The following OCIAD2 variants were observed in gnomAD, a reference collection of about 807,000 sequenced individuals.
OCIAD2 encodes OCIA domain containing 2.
A neutral mutation model predicts 22.9 loss-of-function variants in OCIAD2; 29 were observed. The observed-to-expected ratio is 1.27, with a 90% CI of 0.94 to 1.73. The LOEUF (loss-of-function observed/expected upper bound fraction) is 1.73, where lower values mean the gene tolerates loss of function less well. Ranked by LOEUF, OCIAD2 falls within the 40% of genes most tolerant of loss-of-function variation. The probability of loss-of-function intolerance (pLI) is 0.00; values close to 1 mark genes in which losing one functional copy is unlikely to be tolerated. For missense variants in OCIAD2, 189 were observed against 180.3 expected (o/e 1.05, Z -0.28); for synonymous variants, 67 against 60.2 (o/e 1.11, Z -0.52).
At chr4:48,890,839 G>A (rs1398217825) in intron 6 of OCIAD2, among the ~76,000 whole-genome samples, 3 of 152,174 alleles carry the variant, frequency 2.0e-5, no homozygotes, top group East Asian at 3.8e-4. Flanking sequence ...TACTTCGAAG[G>A]TAGCAAGGCC....
chr4:48,904,344 A>T, intron 2 of OCIAD2, 140 bp downstream of exon 2: 1 of 774,908 alleles, frequency 1.3e-6, no homozygotes, highest in South Asian at 1.6e-5. Context: ...CAGTTAAGTG[A>T]GAAGCTCAAG....
intron 4 of OCIAD2, among the ~76,000 whole-genome samples, chr4:48,895,632 T>C (rs1781286276): frequency 6.6e-6 from 1 of 152,226 alleles, no homozygotes; most frequent in Non-Finnish European, 1.5e-5. Context: ...CTCTTGATAC[T>C]GTTACAATGG....
At chr4:48,890,851 G>A (rs557035637) in intron 6 of OCIAD2, among the ~76,000 whole-genome samples, 181 of 152,310 alleles carry the variant, frequency 1.2e-3, no homozygotes, top group Admixed American at 2.4e-3. Context: ...AGCAAGGCCA[G>A]CAACTGCTAT....
At chr4:48,906,535 T>G (rs1185590040) in intron 1 of OCIAD2, 123 bp downstream of exon 1, 1 of 152,940 alleles carries the variant, frequency 6.5e-6, no homozygotes, top group African/African-American at 2.4e-5. Flanking sequence ...GGGGTCCGAG[T>G]TAGGGGAGAG....
rs116712022 is a variant in OCIAD2, at chr4:48,891,872, T to A, written c.383+900A>T. Among the ~76,000 whole-genome samples, 500 of 152,340 alleles carry A rather than the reference T, an allele frequency of 3.3e-3. 1 individual carries two copies. The highest frequency in any genetic ancestry group is 5.8e-3 in the Non-Finnish European group (392 of 68,022). ...GATGATCTGAGGTGACAGACCATTTTCCACCCACTGCTAATGGTGTCACCT... is the reference window on the plus strand; with the variant it reads ...GATGATCTGAGGTGACAGACCATTTACCACCCACTGCTAATGGTGTCACCT... On this transcript the variant is annotated intron_variant, in intron 6 of 6. Transcript: ENST00000508632.
chr4:48,885,288 C>A lies in OCIAD2; in HGVS notation c.*196G>T, dbSNP rs1371066737. ...ACAGGCATGAGCCACTGCGCCATGC[C>A]CCGACATGTTCTTAAAGAGCAGAAA... On this transcript the variant is annotated 3_prime_UTR_variant, in exon 7 of 7. Transcript: ENST00000508632. 2 of 550,106 alleles carry A rather than the reference C, an allele frequency of 3.6e-6. No homozygotes were observed. Among genetic ancestry groups the A allele is most frequent in the Non-Finnish European group, 6.4e-6 (2 of 310,904 alleles). The allele number at this position is 550,106 out of a possible 1,614,324, so 34.1% of individuals were successfully genotyped here. A position where few individuals can be genotyped will look rare whatever the true frequency, so the allele number is the denominator to read the frequency against.
intron 6 of OCIAD2, among the ~76,000 whole-genome samples, chr4:48,889,517 A>G (rs1289022746): frequency 6.6e-6 from 1 of 152,256 alleles, no homozygotes; most frequent in Non-Finnish European, 1.5e-5. Flanking sequence ...GCTCACCATC[A>G]CTGGTCATCA....
intron 1 of OCIAD2, 48 bp downstream of exon 1, chr4:48,906,610 C>T (rs889110733): frequency 1.3e-5 from 2 of 152,994 alleles, no homozygotes; most frequent in African/African-American, 4.8e-5. Context: ...CGCGTTCCCC[C>T]GAGGCCACCC....
At chr4:48,890,323 A>T (rs753572450) in intron 6 of OCIAD2, among the ~76,000 whole-genome samples, 1 of 152,086 alleles carries the variant, frequency 6.6e-6, no homozygotes, top group Non-Finnish European at 1.5e-5. Context: ...TCAAAGAGCC[A>T]ATAATGAGCT....
At chr4:48,888,795 CTCT>C (rs1781072455) in intron 6 of OCIAD2, among the ~76,000 whole-genome samples, 1 of 151,994 alleles carries the variant, frequency 6.6e-6, no homozygotes, top group African/African-American at 2.4e-5. Flanking sequence ...GTCTAAAATT[CTCT>C]TTTTTTTGTT....
At chr4:48,890,655 G>C (rs958113233) in intron 6 of OCIAD2, among the ~76,000 whole-genome samples, 1 of 152,162 alleles carries the variant, frequency 6.6e-6, no homozygotes, top group Non-Finnish European at 1.5e-5. Flanking sequence ...ATTTGAATAT[G>C]AAATAGATGT....
At chr4:48,902,014 G>A (rs757071002) in intron 2 of OCIAD2, among the ~76,000 whole-genome samples, 10 of 152,066 alleles carry the variant, frequency 6.6e-5, no homozygotes, top group South Asian at 2.1e-4. Context: ...TGTTTGTCCC[G>A]CTTTGGCTTC....
rs139207421 is a variant in OCIAD2 at position 48,889,867 on chromosome 4, C to A, written c.383+2905G>T. Among the ~76,000 whole-genome samples the A allele has an allele frequency of 2.6e-5, 4 of 152,068 alleles. No homozygotes were observed. In the East Asian group the frequency reaches 5.8e-4, roughly 22 times the overall value. Reference sequence around the variant, plus strand: ...ACTTGGAACCAACCCAAATGTCCAACAATGATAGACTGGATTAAGAAAATG... The same window carrying A: ...ACTTGGAACCAACCCAAATGTCCAAAAATGATAGACTGGATTAAGAAAATG... On this transcript the variant is annotated intron_variant, in intron 6 of 6. Transcript: ENST00000508632.
chr4:48,895,398 A>G (rs1203108530), intron 4 of OCIAD2, among the ~76,000 whole-genome samples: 1 of 152,228 alleles, frequency 6.6e-6, no homozygotes, highest in Non-Finnish European at 1.5e-5. Flanking sequence ...GATAATTTAT[A>G]AAGAACAGAA....
At chr4:48,899,119 A>C (rs930833824) in intron 3 of OCIAD2, among the ~76,000 whole-genome samples, 3 of 152,224 alleles carry the variant, frequency 2.0e-5, no homozygotes, top group Non-Finnish European at 4.4e-5. Flanking sequence ...TGAATGACTT[A>C]AGAAATCAAA....
At chr4:48,889,437 G>T (rs186849183) in intron 6 of OCIAD2, among the ~76,000 whole-genome samples, 1 of 152,162 alleles carries the variant, frequency 6.6e-6, no homozygotes, top group African/African-American at 2.4e-5. Flanking sequence ...CCATCAAAAA[G>T]TGGGCAAAGG....
intron 5 of OCIAD2, 42 bp downstream of exon 5, chr4:48,893,964 G>T (rs767593796): frequency 7.4e-7 from 1 of 1,350,678 alleles, no homozygotes; most frequent in African/African-American, 1.5e-5. Flanking sequence ...TTACAGATGT[G>T]AGCCACCACA....
chr4:48,904,484 C>T lies in OCIAD2; in HGVS notation c.66G>A (p.Gln22=), dbSNP rs1338003329. 1.9e-6 allele frequency: 3 copies of T among 1,613,400 alleles called. No homozygotes were observed. The highest frequency in any genetic ancestry group is 2.5e-6 in the Non-Finnish European group (3 of 1,179,352). ...TCGATCAATAAATATAAAAGTATAC[C>T]TGCTTGCTTGGTGGTGGAAAATGGG... ...KDAHFPPPSK[Q]SLLFCPKSKL... The change falls in exon 2 of 7, where the codon CAG becomes CAA. Residue 22 remains glutamine, a splice_region_variant and synonymous_variant. Transcript: ENST00000508632.
intron 1 of OCIAD2, among the ~76,000 whole-genome samples, chr4:48,906,022 C>G (rs1238478529): frequency 6.6e-6 from 1 of 152,172 alleles, no homozygotes; most frequent in East Asian, 1.9e-4. Context: ...CTTCCATTTC[C>G]TGAGCACTCC....
Sources: gnomAD v4.1 joint callset for allele counts (sites outside exome capture counted in the v4.1 genomes callset) on GRCh38, gnomAD v4.1.1 for gene constraint, MANE v1.5 for transcripts, NCBI Gene and HGNC (gene_info 2026-07-23, HGNC 2026-07-21) for gene names.